The following ARID3C variants were observed in gnomAD, a reference collection of about 807,000 sequenced individuals.
ARID3C encodes the protein AT-rich interactive domain-containing protein 3C.
A neutral mutation model predicts 37.9 loss-of-function variants in ARID3C; 42 were observed. The ratio of observed to expected loss-of-function variants is 1.11; its 90% confidence interval spans 0.87 to 1.43. The LOEUF (loss-of-function observed/expected upper bound fraction) is 1.43, where lower values mean the gene tolerates loss of function less well. ARID3C is among the 40% of genes most tolerant of loss of function. ARID3C has a pLI of 0.00. For missense variants in ARID3C, 581 were observed against 548.8 expected, an observed-to-expected ratio of 1.06 and a Z score of -0.59; for synonymous variants, 213 against 228.0, an observed-to-expected ratio of 0.93 and a Z score of 0.59.
intron 4 of ARID3C, 94 bp from the exon 6 acceptor site, chr9:34,622,623 C>T: frequency 1.6e-6 from 2 of 1,271,486 alleles, no homozygotes; most frequent in Non-Finnish European, 2.2e-6. Context: ...GTAACTCAAG[C>T]TCATGTACCA....
chr9:34,624,160 G>T, intron 2 of ARID3C, 113 bp from the exon 4 acceptor site: 1 of 1,310,220 alleles, frequency 7.6e-7, no homozygotes, highest in Non-Finnish European at 1.0e-6. Context: ...AGGGAGACTT[G>T]GGCGGAGCCC....
rs1457830937 is a variant in ARID3C, at chr9:34,627,750, G to A, written c.265C>T (p.Gln89Ter). ...TCGTGGGGATGGAGTCCAGGGGGCT[G>A]GCTAGAAGGCGAGCTGGGGCCCTGG... Residue 89 changes from glutamine (Q) to a stop codon, truncating the protein, a stop_gained, in exon 1 of 7, where the codon CAG becomes TAG. Coordinates refer to ENST00000378909, the Ensembl canonical transcript of ARID3C. LOFTEE classifies it high-confidence loss of function. 3.7e-6 allele frequency: 6 copies of A among 1,614,136 alleles called. No individual in the cohort carries two copies. The highest frequency in any genetic ancestry group is 3.3e-4 in the Middle Eastern group (2 of 6,062).
At chr9:34,623,801 C>CCCCCCCA in intron 3 of ARID3C, 63 bp downstream of exon 4, 1 of 1,419,684 alleles carries the variant, frequency 7.0e-7, no homozygotes, top group Non-Finnish European at 9.5e-7. Flanking sequence ...CGGGGACCCT[C>CCCCCCCA]CCCCCTCCCG....
rs142475016 is a variant in ARID3C, at chr9:34,622,528, C to T, written c.867G>A (p.Glu289=). Residue 289 remains glutamate, a splice_region_variant and synonymous_variant, in exon 5 of 7, where the codon GAG becomes GAA. Transcript: ENST00000378909. Reference sequence around the variant, plus strand: ...GACAAGGGTTTGGAATTCCACTCTCCTCTAGAAGAACAGGTTATTCAGCTC... The same window carrying T: ...GACAAGGGTTTGGAATTCCACTCTCTTCTAGAAGAACAGGTTATTCAGCTC... The T allele has an allele frequency of 1.5e-4, 235 of 1,597,332 alleles. 1 individual carries two copies. Among genetic ancestry groups the T allele is most frequent in the Non-Finnish European group, 3.1e-5 (36 of 1,172,014 alleles).
upstream of ARID3C, among the ~76,000 whole-genome samples, chr9:34,632,430 G>T (rs907187089): frequency 1.3e-5 from 2 of 152,292 alleles, no homozygotes; most frequent in African/African-American, 4.8e-5. Flanking sequence ...GCCCTTGTAA[G>T]GAGTGAAAGG....
chr9:34,623,916 C>G (rs1227182402), exon 3 of ARID3C: 1 of 1,600,714 alleles, frequency 6.2e-7, no homozygotes, highest in African/African-American at 1.3e-5. Flanking sequence ...AGGCTGAGGC[C>G]GCGCGTGACT....
chr9:34,623,655 TCCCCTGGGG>T lies in ARID3C; in HGVS notation c.626_634del (p.Ser209_Glu212delinsTer). 6.3e-7 allele frequency: 1 copy of T among 1,593,176 alleles called. No homozygotes were observed. ...ATTGCTGTCTATGGCGGCCTGGAGC[TCCCCTGGGG>T]AGCTGAGCGCTCGAGTCTCGCACTC... On this transcript the variant is annotated stop_gained and inframe_deletion, in exon 4 of 7. Coordinates refer to ENST00000378909, the Ensembl canonical transcript of ARID3C. LOFTEE classifies it high-confidence loss of function.
At chr9:34,622,432 C>A in exon 5 of ARID3C, 1 of 1,614,126 alleles carries the variant, frequency 6.2e-7, no homozygotes, top group Non-Finnish European at 8.5e-7. Context: ...GCACAGCTCT[C>A]TTCTCTGGGG....
chr9:34,629,132 C>A (rs1187114338), upstream of ARID3C, among the ~76,000 whole-genome samples: 1 of 152,148 alleles, frequency 6.6e-6, no homozygotes, highest in Non-Finnish European at 1.5e-5. Context: ...GGGGAGAGGC[C>A]CCTGTGGGAT....
At chr9:34,632,251 A>G (rs1195114983), upstream of ARID3C, among the ~76,000 whole-genome samples, 1 of 152,248 alleles carries the variant, frequency 6.6e-6, no homozygotes, top group East Asian at 1.9e-4. Flanking sequence ...GACTACGTGG[A>G]TACCTAGGGA....
At chr9:34,628,969 C>G (rs1472052952), upstream of ARID3C, among the ~76,000 whole-genome samples, 2 of 152,012 alleles carry the variant, frequency 1.3e-5, no homozygotes, top group African/African-American at 4.8e-5. This position sits in a 1 kb window ranked among gnomAD's most constrained non-coding sequence, Gnocchi z 5.2. Context: ...GCCTTTGCTC[C>G]GCCCGCCTCC....
intron 5 of ARID3C, 71 bp downstream of exon 6, chr9:34,622,276 C>G: frequency 6.4e-7 from 1 of 1,571,016 alleles, no homozygotes; most frequent in Non-Finnish European, 8.6e-7. Context: ...TCTCTAACAC[C>G]TATCAGGTGA....
intron 4 of ARID3C, among the ~76,000 whole-genome samples, chr9:34,623,147 C>CAAAAAAA: frequency 1.4e-5 from 1 of 72,426 alleles, no homozygotes; most frequent in Non-Finnish European, 2.7e-5. Flanking sequence ...CTCCGTCTCA[C>CAAAAAAA]AAAAAAAAAA....
At chr9:34,624,043 C>T (rs1414560062) in exon 3 of ARID3C, 6 of 1,585,402 alleles carry the variant, frequency 3.8e-6, no homozygotes, top group Non-Finnish European at 5.1e-6. Flanking sequence ...GGTTCACTGG[C>T]GTCCCTGGTG....
At chr9:34,621,109 C>T (rs1252999339), downstream of ARID3C, among the ~76,000 whole-genome samples, 2 of 152,148 alleles carry the variant, frequency 1.3e-5, no homozygotes, top group African/African-American at 4.8e-5. Flanking sequence ...TTTCACAGTA[C>T]CCCAACCCAA....
At chr9:34,628,123 G>T (rs1587218883), upstream of ARID3C, 1 of 1,366,764 alleles carries the variant, frequency 7.3e-7, no homozygotes. The surrounding 1 kb of genome is among the most constrained non-coding windows in gnomAD (Gnocchi z 5.2). Flanking sequence ...GGGCCCTACT[G>T]CCCCCAGAGC....
At position 34,622,651 on chromosome 9, in the gene ARID3C, C is replaced by T. The variant is rs1006907289; in HGVS notation, c.866-122G>A. On this transcript the variant is annotated intron_variant, in intron 4 of 6. Transcript: ENST00000378909. ...ATGTACCAATCTCTCATCCTTCATT[C>T]GATCTATCTTCCCATCCAGAGCCTC... The T allele has an allele frequency of 3.1e-5, 31 of 1,016,182 alleles. No homozygotes were observed. In the African/African-American group the frequency reaches 3.2e-4, roughly 11 times the overall value. The allele number at this position is 1,016,182 out of a possible 1,614,324, so 62.9% of individuals were successfully genotyped here. A position where few individuals can be genotyped will look rare whatever the true frequency, so the allele number is the denominator to read the frequency against.
chr9:34,624,482 G>A (rs1353329458), intron 2 of ARID3C, among the ~76,000 whole-genome samples: 1 of 152,224 alleles, frequency 6.6e-6, no homozygotes, highest in Non-Finnish European at 1.5e-5. Flanking sequence ...GCAAACTTTA[G>A]TTTGCTGTCC....
At chr9:34,625,665 G>T in intron 2 of ARID3C, 77 bp downstream of exon 3, 1 of 1,546,442 alleles carries the variant, frequency 6.5e-7, no homozygotes, top group Non-Finnish European at 8.9e-7. Context: ...GGCCTCAGCA[G>T]GGAGAACCCA....
Sources: gnomAD v4.1 joint callset for allele counts (sites outside exome capture counted in the v4.1 genomes callset) on GRCh38, gnomAD v4.1.1 for gene constraint, Gnocchi (gnomAD v3.1) non-coding constraint, MANE v1.5 for transcripts, NCBI Gene and HGNC (gene_info 2026-07-23, HGNC 2026-07-21) for gene names.